The following TMOD1 variants were observed in gnomAD, a reference collection of about 807,000 sequenced individuals.
TMOD1 encodes the protein tropomodulin-1.
In TMOD1, 17 loss-of-function variants were observed where a neutral mutation model predicts 40.6. The ratio of observed to expected loss-of-function variants is 0.42; its 90% CI spans 0.29 to 0.63. The LOEUF is 0.63. Among genes scored for constraint, TMOD1 ranks in the 20% least tolerant of loss-of-function variants. The pLI is 0.22. For synonymous variants in TMOD1, 181 were observed against 175.0 expected (o/e 1.03, Z -0.27); for missense variants, 391 against 447.6 (o/e 0.87, Z 1.14).
chr9:97,527,159 G>GA lies in TMOD1; in HGVS notation c.120+2858dup, dbSNP rs1282481219. Among the ~76,000 whole-genome samples the GA allele has an allele frequency of 9.2e-5, 14 of 152,214 alleles. 1 individual carries two copies. The highest frequency in any genetic ancestry group is 5.9e-4 in the Admixed American group (9 of 15,296). ...CAGTAAAAACAAGCCATGTAGGCAAGAAAAAAATCAAGCTGCAAAATTATT... is the reference window on the plus strand; with the variant it reads ...CAGTAAAAACAAGCCATGTAGGCAAGAAAAAAAATCAAGCTGCAAAATTATT... On this transcript the variant is annotated intron_variant, in intron 2 of 9. Coordinates refer to ENST00000259365, the MANE Select transcript of TMOD1 (RefSeq NM_003275.4).
At chr9:97,533,920 C>T (rs951622405) in intron 2 of TMOD1, among the ~76,000 whole-genome samples, 3 of 152,314 alleles carry the variant, frequency 2.0e-5, no homozygotes, top group Non-Finnish European at 4.4e-5. Context: ...GCTCCCCAGA[C>T]TTCTCAGAGT....
chr9:97,554,694 G>A (rs1183235283), intron 4 of TMOD1, among the ~76,000 whole-genome samples: 1 of 152,136 alleles, frequency 6.6e-6, no homozygotes, highest in Non-Finnish European at 1.5e-5. Flanking sequence ...GTTCAGGGCT[G>A]GCCAGGAGAC....
At chr9:97,577,997 A>T (rs906556642) in intron 8 of TMOD1, among the ~76,000 whole-genome samples, 1 of 152,130 alleles carries the variant, frequency 6.6e-6, no homozygotes, top group Admixed American at 6.5e-5. Context: ...TATAAAATGA[A>T]TGAGTCCTTT....
chr9:97,524,104 G>A, intron 1 of TMOD1, 37 bp from the exon 2 acceptor site: 1 of 1,500,312 alleles, frequency 6.7e-7, no homozygotes, highest in Non-Finnish European at 8.9e-7. Context: ...GAGCAAATCT[G>A]AGACGGGTCT....
In TMOD1 at chr9:97,508,021, A is replaced by G. The variant is rs1829617776; in HGVS notation, c.-49+6218A>G. Among the ~76,000 whole-genome samples, 4 of 151,256 alleles carry G rather than the reference A, an allele frequency of 2.6e-5. No individual in the cohort carries two copies. In the South Asian group the frequency reaches 6.3e-4, roughly 24 times the overall value. ...GTCCTTTGGGGGGCCTTAAATAGCA[A>G]TTGACACATAATGAAACACAATCTA... On this transcript the variant is annotated intron_variant, in intron 1 of 9. Coordinates refer to ENST00000259365, the MANE Select transcript of TMOD1 (RefSeq NM_003275.4).
chr9:97,586,046 G>C (rs1825864620), intron 8 of TMOD1, among the ~76,000 whole-genome samples: 1 of 151,908 alleles, frequency 6.6e-6, no homozygotes, highest in Admixed American at 6.6e-5. Flanking sequence ...CGTTGCTGGT[G>C]AGGAACTGCG....
In TMOD1 at chr9:97,601,493, A is replaced by C. The variant is rs140837838; in HGVS notation, c.*1795A>C. On this transcript the variant is annotated 3_prime_UTR_variant, in exon 10 of 10. Transcript: ENST00000259365. ...GGGGAAAGCAGAGCTATCAGAGGAA[A>C]TCTCTCATAGAAACGAAACCAAACC... The C allele has an allele frequency of 5.0e-6, 5 of 991,282 alleles. No individual in the cohort carries two copies. The African/African-American group carries it at 8.7e-5, about 17-fold the overall frequency. The allele number at this position is 991,282 out of a possible 1,614,324, so 61.4% of individuals were successfully genotyped here.
At chr9:97,537,211 G>C (rs12375711) in intron 2 of TMOD1, among the ~76,000 whole-genome samples, 1 of 152,124 alleles carries the variant, frequency 6.6e-6, no homozygotes. Context: ...GAGCTGCCAG[G>C]AGTCTGTGAT....
At chr9:97,509,687 G>T (rs1829664503) in intron 1 of TMOD1, among the ~76,000 whole-genome samples, 1 of 151,834 alleles carries the variant, frequency 6.6e-6, no homozygotes, top group Non-Finnish European at 1.5e-5. Context: ...GGCGAGACGG[G>T]GTTTCACCAT....
intron 1 of TMOD1, among the ~76,000 whole-genome samples, chr9:97,514,314 C>T (rs1269183709): frequency 3.8e-5 from 5 of 131,524 alleles, no homozygotes; most frequent in Non-Finnish European, 6.3e-5. Flanking sequence ...GACAGGGTTT[C>T]ACCATGTTGG....
Position 97,557,541 on chromosome 9 carries a change from C to T in TMOD1, c.397+4141C>T, listed in dbSNP as rs570398593. Among the ~76,000 whole-genome samples, 8 of 152,322 alleles carry T rather than the reference C, an allele frequency of 5.3e-5. No homozygotes were observed. In the East Asian group the frequency reaches 7.7e-4, roughly 15 times the overall value. On this transcript the variant is annotated intron_variant, in intron 4 of 9. Coordinates refer to ENST00000259365, the MANE Select transcript of TMOD1 (RefSeq NM_003275.4). The surrounding 1 kb of genome is among the most constrained non-coding windows in gnomAD (Gnocchi z 4.4). ...CCACCCCCTGGCTTCTGGCTACTTC[C>T]GTGTGCTTAGGCACCTGTCCTGCTA...
intron 2 of TMOD1, among the ~76,000 whole-genome samples, chr9:97,537,424 C>T (rs1455740656): frequency 6.6e-6 from 1 of 152,196 alleles, no homozygotes; most frequent in African/African-American, 2.4e-5. Context: ...TCACGTAGCC[C>T]TATCTATAGC....
intron 8 of TMOD1, among the ~76,000 whole-genome samples, chr9:97,581,680 C>T (rs372322983): frequency 0.011 from 1,645 of 148,126 alleles, 20 homozygotes; most frequent in African/African-American, 0.032. Flanking sequence ...TTTTAATGAT[C>T]GCCAGTCTAA....
At chr9:97,591,569 T>G in intron 9 of TMOD1, 134 bp downstream of exon 9, 5 of 1,154,298 alleles carry the variant, frequency 4.3e-6, no homozygotes, top group Non-Finnish European at 4.9e-6. Flanking sequence ...GATCGCGTCT[T>G]CCTTGTTTTC....
At chr9:97,595,946 C>T (rs1826101636) in intron 9 of TMOD1, among the ~76,000 whole-genome samples, 1 of 151,976 alleles carries the variant, frequency 6.6e-6, no homozygotes, top group African/African-American at 2.4e-5. Context: ...TGGTGGCAGG[C>T]ACCTGTAATC....
intron 1 of TMOD1, among the ~76,000 whole-genome samples, chr9:97,510,754 A>G (rs569197263): frequency 1.3e-5 from 2 of 152,252 alleles, no homozygotes; most frequent in African/African-American, 4.8e-5. Flanking sequence ...ATAACTCCCA[A>G]AGAACTCTGA....
At chr9:97,554,528 A>G (rs970703729) in intron 4 of TMOD1, among the ~76,000 whole-genome samples, 1 of 149,458 alleles carries the variant, frequency 6.7e-6, no homozygotes, top group Non-Finnish European at 1.5e-5. Flanking sequence ...TGGCCCTTGT[A>G]GAAGCCTTTG....
chr9:97,570,948 C>T (rs951784306), intron 8 of TMOD1, among the ~76,000 whole-genome samples: 1 of 152,232 alleles, frequency 6.6e-6, no homozygotes, highest in Admixed American at 6.5e-5. Context: ...CATTGGACTC[C>T]TTGCATCTCT....
Position 97,591,451 on chromosome 9 carries a change from C to G in TMOD1, c.1015+16C>G. On this transcript the variant is annotated intron_variant, in intron 9 of 9. Transcript: ENST00000259365. ...AATGACCTTGGTGAGTAGAAATATG[C>G]TTCCTGCCCTGCCCGCAGTCCTGTT... 6.2e-7 allele frequency: 1 copy of G among 1,611,966 alleles called. No individual in the cohort carries two copies.
Sources: gnomAD v4.1 joint callset for allele counts (sites outside exome capture counted in the v4.1 genomes callset) on GRCh38, gnomAD v4.1.1 for gene constraint, Gnocchi (gnomAD v3.1) non-coding constraint, MANE v1.5 for transcripts, NCBI Gene and HGNC (gene_info 2026-07-23, HGNC 2026-07-21) for gene names.